GALK2: variants seen among roughly 807,000 people sequenced by gnomAD.
GALK2 encodes galactokinase 2.
Under a neutral mutation model 52.4 loss-of-function variants are expected in GALK2, and 36 were observed. The ratio of observed to expected loss-of-function variants is 0.69; its 90% CI spans 0.53 to 0.91. GALK2 has a LOEUF of 0.91. Ranked by LOEUF, GALK2 falls within the 40% of genes least tolerant of loss-of-function variation. The pLI, the probability that GALK2 is intolerant of heterozygous loss-of-function variation, is 0.00. For missense variants in GALK2, 579 were observed against 559.1 expected, an observed-to-expected ratio of 1.04 and a Z score of -0.36; for synonymous variants, 176 against 199.1, an observed-to-expected ratio of 0.88 and a Z score of 0.98.
chr15:49,290,351 C>T lies in GALK2; in HGVS notation c.757-1976C>T, dbSNP rs147901583. ...GTAGATTTCATCCTTAATTGAAATA[C>T]ACACCAAATTGGCTGTGTGGATTCT... is the stretch of plus-strand genomic sequence containing the variant. On this transcript the variant is annotated intron_variant, in intron 7 of 9. Transcript: ENST00000560031. Among the ~76,000 whole-genome samples, 16 of 152,316 alleles carry T rather than the reference C, an allele frequency of 1.1e-4. No individual in the cohort carries two copies. The East Asian group carries it at 3.1e-3, about 29-fold the overall frequency.
In GALK2 at chr15:49,258,968, T is replaced by C. The variant is rs575069538; in HGVS notation, c.504+19601T>C. 8.6e-5 allele frequency among the ~76,000 whole-genome samples: 13 copies of C among 151,924 alleles called. No individual in the cohort carries two copies. The East Asian group carries it at 2.5e-3, about 29-fold the overall frequency. ...TCTTCTTTTGAGAAGTGTCAGTTCA[T>C]GTCCTTCACCCATTTTTTGATGGGG... On this transcript the variant is annotated intron_variant, in intron 5 of 9. Transcript: ENST00000560031.
chr15:49,279,527 A>G (rs2032384496), intron 5 of GALK2, among the ~76,000 whole-genome samples: 1 of 152,208 alleles, frequency 6.6e-6, no homozygotes, highest in African/African-American at 2.4e-5. Context: ...TTCTGGTTAT[A>G]TATCTCTAAA....
At chr15:49,203,009 T>C (rs1015498793) in intron 2 of GALK2, among the ~76,000 whole-genome samples, 4 of 152,174 alleles carry the variant, frequency 2.6e-5, no homozygotes, top group Admixed American at 6.5e-5. Flanking sequence ...TTTTTAGAAA[T>C]GTCTATTTAG....
Position 49,350,671 on chromosome 15 carries a change from C to T in GALK2, c.427-16820C>T, listed in dbSNP as rs1165452818. 2.6e-5 allele frequency among the ~76,000 whole-genome samples: 4 copies of T among 152,094 alleles called. No individual in the cohort carries two copies. The East Asian group carries it at 5.8e-4, about 22-fold the overall frequency. On this transcript the variant is annotated intron_variant, in intron 3 of 3. Transcript: ENST00000558399. ...GAGGGTACTGTGATTTGCCTTTTCC[C>T]GTAATCTAATTTTTGACCTTGGTGG...
chr15:49,331,173 T>C lies in GALK2; in HGVS notation c.*3014T>C, dbSNP rs541318630. The C allele has an allele frequency of 7.9e-5, 12 of 152,400 alleles. No homozygotes were observed. The East Asian group carries it at 1.7e-3, about 22-fold the overall frequency. 9.4% of individuals were successfully genotyped at this position (152,400 alleles called of 1,614,324 possible). The stretch of plus-strand genomic sequence containing the variant: ...ACATGCTGAAAGTAAAAGGCTCTCC[T>C]CTATCCCTGACCTCCAATTGTCCAG... On this transcript the variant is annotated 3_prime_UTR_variant, in exon 10 of 10. Coordinates refer to ENST00000560031, the MANE Select transcript of GALK2 (RefSeq NM_002044.4).
At chr15:49,246,196 G>C (rs560327734) in intron 5 of GALK2, among the ~76,000 whole-genome samples, 1 of 152,312 alleles carries the variant, frequency 6.6e-6, no homozygotes, top group South Asian at 2.1e-4. Flanking sequence ...CTGATGTCCA[G>C]TTTCTGTCTG....
downstream of GALK2, chr15:49,335,591 T>C: frequency 1.3e-6 from 1 of 799,252 alleles, no homozygotes; most frequent in Non-Finnish European, 2.1e-6. Flanking sequence ...CCGTGTGACC[T>C]TCACTTTTCA....
chr15:49,182,680 A>G (rs1303545192), intron 1 of GALK2, among the ~76,000 whole-genome samples: 1 of 152,172 alleles, frequency 6.6e-6, no homozygotes, highest in African/African-American at 2.4e-5. Context: ...GATAAAAGCC[A>G]TTGTAGCTTG....
chr15:49,325,752 T>C (rs1256389143), intron 9 of GALK2, among the ~76,000 whole-genome samples: 6 of 152,224 alleles, frequency 3.9e-5, no homozygotes, highest in Admixed American at 3.9e-4. Flanking sequence ...TCAGACCATG[T>C]GATTGATGCA....
At chr15:49,322,646 T>C (rs1292507216) in intron 9 of GALK2, among the ~76,000 whole-genome samples, 3 of 152,124 alleles carry the variant, frequency 2.0e-5, no homozygotes, top group African/African-American at 7.2e-5. Context: ...TGCAGTCTAT[T>C]CTCTACTTTC....
intron 2 of GALK2, among the ~76,000 whole-genome samples, chr15:49,212,055 T>C (rs896715227): frequency 1.3e-5 from 2 of 152,146 alleles, no homozygotes; most frequent in African/African-American, 2.4e-5. Flanking sequence ...TTAAAAAAAA[T>C]TATCTGACTT....
intron 3 of GALK2, among the ~76,000 whole-genome samples, chr15:49,224,613 C>T (rs555565326): frequency 6.6e-6 from 1 of 152,188 alleles, no homozygotes; most frequent in Admixed American, 6.5e-5. Flanking sequence ...TTTTTGTTGA[C>T]TTTGTGGAAG....
At chr15:49,280,693 A>G (rs967756355) in intron 5 of GALK2, among the ~76,000 whole-genome samples, 2 of 152,210 alleles carry the variant, frequency 1.3e-5, no homozygotes, top group Non-Finnish European at 2.9e-5. Context: ...AAGTCTTACA[A>G]TAAATTAAAC....
intron 5 of GALK2, among the ~76,000 whole-genome samples, chr15:49,249,823 A>G (rs2091511677): frequency 6.6e-6 from 1 of 152,192 alleles, no homozygotes; most frequent in African/African-American, 2.4e-5. Flanking sequence ...TGGCATGCTT[A>G]TACTGGTCCA....
At chr15:49,357,609 C>A (rs2043395137) in intron 3 of GALK2, among the ~76,000 whole-genome samples, 2 of 150,202 alleles carry the variant, frequency 1.3e-5, no homozygotes, top group South Asian at 4.2e-4. Flanking sequence ...GCTTACCAAC[C>A]AAAAAGAGTC....
chr15:49,274,641 A>G (rs2031337200), intron 5 of GALK2, among the ~76,000 whole-genome samples: 1 of 152,192 alleles, frequency 6.6e-6, no homozygotes, highest in Non-Finnish European at 1.5e-5. Context: ...CTTAAAATTA[A>G]AAAAAATTTT....
At chr15:49,251,479 A>G (rs2091598879) in intron 5 of GALK2, among the ~76,000 whole-genome samples, 1 of 152,220 alleles carries the variant, frequency 6.6e-6, no homozygotes, top group South Asian at 2.1e-4. Context: ...GAGTGCTGGC[A>G]GAGGTTCATT....
chr15:49,333,630 T>C (rs773045834), downstream of GALK2, among the ~76,000 whole-genome samples: 1 of 152,204 alleles, frequency 6.6e-6, no homozygotes, highest in Non-Finnish European at 1.5e-5. Flanking sequence ...TTTTCTGATG[T>C]GACTGGAAAA....
intron 5 of GALK2, among the ~76,000 whole-genome samples, chr15:49,260,069 G>A (rs561948700): frequency 1.3e-5 from 2 of 151,958 alleles, no homozygotes; most frequent in East Asian, 3.9e-4. Flanking sequence ...ATAGCAGCAT[G>A]ATTTATAGTC....
Sources: allele counts gnomAD v4.1 joint callset (sites outside exome capture counted in the v4.1 genomes callset), GRCh38; gene constraint gnomAD v4.1.1; transcripts MANE v1.5; gene names NCBI Gene and HGNC (gene_info 2026-07-23, HGNC 2026-07-21).